The following LRMDA variants were observed in gnomAD, a reference collection of about 807,000 sequenced individuals.
LRMDA encodes the protein leucine rich melanocyte differentiation associated.
Under a neutral mutation model 29.8 loss-of-function variants are expected in LRMDA, and 18 were observed. The observed-to-expected ratio is 0.60, with a 90% CI of 0.42 to 0.90. The LOEUF is 0.90. Ranked by LOEUF, LRMDA falls within the 40% of genes least tolerant of loss-of-function variation. LRMDA has a pLI of 0.00. For missense variants in LRMDA, 273 were observed against 273.9 expected (o/e 1.00, Z 0.02); for synonymous variants, 125 against 109.4 (o/e 1.14, Z -0.89).
At chr10:75,855,752 G>A (rs1189544814) in intron 2 of LRMDA, among the ~76,000 whole-genome samples, 2 of 152,192 alleles carry the variant, frequency 1.3e-5, no homozygotes, top group Non-Finnish European at 2.9e-5. Flanking sequence ...TAAGGTGTAA[G>A]GAAGGGATCT....
chr10:76,536,181 T>C (rs1166420663), intron 6 of LRMDA, among the ~76,000 whole-genome samples: 1 of 152,218 alleles, frequency 6.6e-6, no homozygotes, highest in Non-Finnish European at 1.5e-5. Flanking sequence ...GGCATTTTCC[T>C]GTGAAACAAT....
intron 6 of LRMDA, among the ~76,000 whole-genome samples, chr10:76,527,148 C>A (rs1310372224): frequency 6.6e-6 from 1 of 151,098 alleles, no homozygotes; most frequent in Non-Finnish European, 1.5e-5. Flanking sequence ...GTTTCTTTGG[C>A]CACCATTTTG....
intron 6 of LRMDA, among the ~76,000 whole-genome samples, chr10:76,360,658 C>A (rs1841300619): frequency 6.6e-6 from 1 of 152,138 alleles, no homozygotes; most frequent in Non-Finnish European, 1.5e-5. Flanking sequence ...TATATTCTTA[C>A]ATTGTAAGTG....
intron 2 of LRMDA, among the ~76,000 whole-genome samples, chr10:75,701,901 C>T (rs528555961): frequency 1.3e-5 from 2 of 152,282 alleles, no homozygotes; most frequent in African/African-American, 2.4e-5. Context: ...AACAATCTCC[C>T]TTAGATTCTA....
chr10:75,512,592 G>T (rs757808417), intron 2 of LRMDA, among the ~76,000 whole-genome samples: 2 of 152,184 alleles, frequency 1.3e-5, no homozygotes, highest in Non-Finnish European at 1.5e-5. Context: ...GGAGGGCTGC[G>T]AGTGAGTCGT....
chr10:76,502,336 T>G (rs1842918656), intron 6 of LRMDA, among the ~76,000 whole-genome samples: 1 of 151,990 alleles, frequency 6.6e-6, no homozygotes, highest in Non-Finnish European at 1.5e-5. Flanking sequence ...TTGTTTTGGC[T>G]ATTTGAGCTC....
intron 5 of LRMDA, among the ~76,000 whole-genome samples, chr10:76,124,263 C>A (rs1849839851): frequency 6.6e-6 from 1 of 152,164 alleles, no homozygotes; most frequent in Non-Finnish European, 1.5e-5. Flanking sequence ...TCAGGATGAC[C>A]CAGAATTCAT....
At chr10:75,667,224 C>G (rs905600244) in intron 2 of LRMDA, among the ~76,000 whole-genome samples, 9 of 151,816 alleles carry the variant, frequency 5.9e-5, no homozygotes, top group South Asian at 2.1e-4. Flanking sequence ...TTTATAACCC[C>G]CCCCCCCAAG....
chr10:75,809,360 T>G (rs981394692), intron 2 of LRMDA, among the ~76,000 whole-genome samples: 1 of 152,086 alleles, frequency 6.6e-6, no homozygotes, highest in South Asian at 2.1e-4. Context: ...AAAGCAGACA[T>G]GGGCCAGGTG....
chr10:76,154,238 G>A (rs1850498393), intron 5 of LRMDA, among the ~76,000 whole-genome samples: 1 of 152,134 alleles, frequency 6.6e-6, no homozygotes, highest in Non-Finnish European at 1.5e-5. Flanking sequence ...ATGTATCAGA[G>A]AACAAAGTCA....
At chr10:75,971,300 C>G (rs188827849) in intron 2 of LRMDA, among the ~76,000 whole-genome samples, 1 of 152,314 alleles carries the variant, frequency 6.6e-6, no homozygotes, top group East Asian at 1.9e-4. Context: ...TTTCCCTTCT[C>G]TCCTCTCGCA....
intron 6 of LRMDA, among the ~76,000 whole-genome samples, chr10:76,479,158 A>G (rs1360699543): frequency 6.6e-6 from 1 of 151,974 alleles, no homozygotes; most frequent in African/African-American, 2.4e-5. Context: ...AGTTGGAAAC[A>G]TTGGATGCAA....
chr10:76,448,429 C>T (rs1438611876), intron 6 of LRMDA, among the ~76,000 whole-genome samples: 1 of 152,092 alleles, frequency 6.6e-6, no homozygotes, highest in Non-Finnish European at 1.5e-5. Flanking sequence ...TTGTAAGGCA[C>T]TTGATACATA....
At chr10:75,802,735 G>A (rs1589211492) in intron 2 of LRMDA, among the ~76,000 whole-genome samples, 3 of 152,060 alleles carry the variant, frequency 2.0e-5, no homozygotes, top group South Asian at 2.1e-4. Context: ...CTTGAAATTA[G>A]ATTTACTGCT....
At chr10:76,432,353 A>C (rs1288536217) in intron 6 of LRMDA, among the ~76,000 whole-genome samples, 1 of 152,152 alleles carries the variant, frequency 6.6e-6, no homozygotes, top group Non-Finnish European at 1.5e-5. Flanking sequence ...GATCATTCTA[A>C]CACGGTGCAA....
chr10:75,671,746 CT>C (rs201641997), intron 2 of LRMDA, among the ~76,000 whole-genome samples: 4,616 of 152,036 alleles, frequency 0.03, 246 homozygotes, highest in African/African-American at 0.11. Context: ...TGTAACAAAC[CT>C]GCACGTTCTG....
chr10:75,486,013 G>A (rs745545886), intron 2 of LRMDA, among the ~76,000 whole-genome samples: 6 of 152,244 alleles, frequency 3.9e-5, no homozygotes, highest in South Asian at 4.1e-4. Context: ...AGAACTGTGC[G>A]TATTTAAAGC....
intron 2 of LRMDA, among the ~76,000 whole-genome samples, chr10:75,808,701 G>C (rs966783406): frequency 7.1e-6 from 1 of 140,100 alleles, no homozygotes; most frequent in African/African-American, 2.6e-5. Context: ...GTAGAGACAG[G>C]GTTTCACCAT....
chr10:75,711,639 G>C (rs1307036745), intron 2 of LRMDA, among the ~76,000 whole-genome samples: 1 of 151,980 alleles, frequency 6.6e-6, no homozygotes, highest in Non-Finnish European at 1.5e-5. Flanking sequence ...CCTAATCATA[G>C]CTTATTGTGA....
Sources: gnomAD v4.1 joint callset for allele counts (sites outside exome capture counted in the v4.1 genomes callset) on GRCh38, gnomAD v4.1.1 for gene constraint, MANE v1.5 for transcripts, NCBI Gene and HGNC (gene_info 2026-07-23, HGNC 2026-07-21) for gene names.